The following KCNJ1 variants were observed in gnomAD, a reference collection of about 807,000 sequenced individuals.
KCNJ1 encodes potassium inwardly rectifying channel subfamily J member 1.
In KCNJ1, 24 loss-of-function variants were observed where a neutral mutation model predicts 21.9. The ratio of observed to expected loss-of-function variants is 1.10; its 90% confidence interval spans 0.79 to 1.54. The LOEUF (loss-of-function observed/expected upper bound fraction) is 1.54. Ranked by LOEUF, KCNJ1 falls within the 40% of genes most tolerant of loss-of-function variation. The pLI is 0.00. For missense variants in KCNJ1, 457 were observed against 455.4 expected (o/e 1.00, Z -0.03); for synonymous variants, 152 against 160.9 (o/e 0.94, Z 0.42).
At chr11:128,860,921 A>G (rs1030911109) in intron 1 of KCNJ1, among the ~76,000 whole-genome samples, 1 of 152,114 alleles carries the variant, frequency 6.6e-6, no homozygotes, top group African/African-American at 2.4e-5. Context: ...TGCCTGTAAT[A>G]CTTCAAAAAA....
Position 128,839,879 on chromosome 11 carries a change from G to A in KCNJ1, c.365C>T (p.Thr122Ile), listed in dbSNP as rs764578819. Reference sequence around the variant, plus strand: ...CACACACCTGAATCCATATCCAATGGTCACTTGAGTCTCCAGAGAAAACAG... The same window carrying A: ...CACACACCTGAATCCATATCCAATGATCACTTGAGTCTCCAGAGAAAACAG... ...AFLFSLETQV[T>I]IGYGFRCVTE... is the part of the protein sequence containing the mutation. The change falls in exon 3 of 3, where the codon ACC becomes ATC. Residue 122 changes from threonine (T) to isoleucine (I), a missense_variant. Coordinates refer to ENST00000392666, the MANE Select transcript of KCNJ1 (RefSeq NM_153766.3). 1.2e-6 allele frequency: 2 copies of A among 1,614,182 alleles called. No individual in the cohort carries two copies. The highest frequency in any genetic ancestry group is 1.7e-6 in the Non-Finnish European group (2 of 1,180,032).
At chr11:128,857,444 A>G (rs1010597821) in intron 1 of KCNJ1, among the ~76,000 whole-genome samples, 1 of 152,132 alleles carries the variant, frequency 6.6e-6, no homozygotes, top group Non-Finnish European at 1.5e-5. Context: ...CTGAATACCC[A>G]GCATGTGGAC....
At position 128,839,693 on chromosome 11, in the gene KCNJ1, C is replaced by T. The variant is rs1380025163; in HGVS notation, c.551G>A (p.Arg184Gln). Residue 184 changes from arginine to glutamine, a missense_variant, in exon 3 of 3, where the codon CGG (arginine) becomes CAG (glutamine). Transcript: ENST00000392666. Reference sequence around the variant, plus strand: ...GATTAGGAGGCAAAGCTTCCCTCCCCGTTTGCTGATCACTGCGTTCTTGCT... The same window carrying T: ...GATTAGGAGGCAAAGCTTCCCTCCCTGTTTGCTGATCACTGCGTTCTTGCT... ...TFSKNAVISK[R>Q]GGKLCLLIRV... 5.0e-6 allele frequency: 8 copies of T among 1,613,198 alleles called. No homozygotes were observed. Among genetic ancestry groups the T allele is most frequent in the South Asian group, 1.1e-5 (1 of 91,074 alleles).
rs142030262 is a variant in KCNJ1 at position 128,839,539 on chromosome 11, G to A, written c.705C>T (p.Asp235=). 1,276 of 1,614,120 alleles carry A rather than the reference G, an allele frequency of 7.9e-4. 26 individuals are homozygous for A. In the South Asian group the frequency reaches 0.011, roughly 14 times the overall value. The change falls in exon 3 of 3, where the codon GAC becomes GAT. Residue 235 remains aspartate, a synonymous_variant. Coordinates refer to ENST00000392666, the MANE Select transcript of KCNJ1 (RefSeq NM_153766.3). The stretch of plus-strand genomic sequence containing the variant: ...TGAAGAATAAATTTTCATTCCCAGC[G>A]TCAACTACAAAGTTGATATTGATCT... ...LDQININFVV[D]AGNENLFFIS...
At chr11:128,864,047 TTTTC>T (rs1481486033) in intron 1 of KCNJ1, among the ~76,000 whole-genome samples, 1 of 151,050 alleles carries the variant, frequency 6.6e-6, no homozygotes, top group African/African-American at 2.4e-5. Flanking sequence ...TATTACTGAC[TTTTC>T]TTTTTCTTTT....
intron 2 of KCNJ1, among the ~76,000 whole-genome samples, chr11:128,849,760 G>A (rs566386486): frequency 2.0e-5 from 3 of 152,198 alleles, no homozygotes; most frequent in Non-Finnish European, 4.4e-5. Context: ...ACGGCCTGAG[G>A]TTGTGGGAGT....
chr11:128,866,388 T>C (rs1163123654), intron 1 of KCNJ1: 1 of 176,254 alleles, frequency 5.7e-6, no homozygotes, highest in Non-Finnish European at 1.1e-5. Context: ...TTTTGCTCCA[T>C]TTTGTAAGCC....
intron 1 of KCNJ1, among the ~76,000 whole-genome samples, chr11:128,853,240 C>T (rs570767593): frequency 1.3e-5 from 2 of 152,246 alleles, no homozygotes; most frequent in African/African-American, 4.8e-5. Context: ...TTCATAATAG[C>T]CAAAGAGTGG....
intron 1 of KCNJ1, among the ~76,000 whole-genome samples, chr11:128,853,048 T>G (rs183805921): frequency 4.5e-4 from 69 of 152,378 alleles, no homozygotes; most frequent in Non-Finnish European, 8.2e-4. Flanking sequence ...TTTCCACTTA[T>G]TTGCCATTCT....
At chr11:128,843,212 C>G (rs1360801431) in intron 2 of KCNJ1, among the ~76,000 whole-genome samples, 2 of 152,166 alleles carry the variant, frequency 1.3e-5, no homozygotes, top group Non-Finnish European at 2.9e-5. Flanking sequence ...TGCACAGATC[C>G]TACTTTTTTT....
chr11:128,856,922 G>A (rs145670506), intron 1 of KCNJ1, among the ~76,000 whole-genome samples: 5 of 152,120 alleles, frequency 3.3e-5, no homozygotes, highest in East Asian at 1.9e-4. Context: ...AGTCCACACC[G>A]TCAGAGTGAG....
At chr11:128,859,741 C>T (rs1943664551) in intron 1 of KCNJ1, among the ~76,000 whole-genome samples, 1 of 152,228 alleles carries the variant, frequency 6.6e-6, no homozygotes, top group Non-Finnish European at 1.5e-5. Flanking sequence ...TCTCTCAGGG[C>T]ATCTGTAGTG....
At chr11:128,844,721 C>T (rs564698878) in intron 2 of KCNJ1, among the ~76,000 whole-genome samples, 1 of 152,270 alleles carries the variant, frequency 6.6e-6, no homozygotes, top group South Asian at 2.1e-4. Context: ...TCTTACAGCA[C>T]TTACCACCCC....
chr11:128,858,381 C>T (rs917674979), intron 1 of KCNJ1, among the ~76,000 whole-genome samples: 2 of 152,196 alleles, frequency 1.3e-5, no homozygotes, highest in African/African-American at 4.8e-5. Flanking sequence ...CAACTCTGCA[C>T]CACCATATTT....
At chr11:128,842,508 A>C in intron 2 of KCNJ1, 1 of 1,607,358 alleles carries the variant, frequency 6.2e-7, no homozygotes, top group Non-Finnish European at 8.5e-7. Flanking sequence ...TGTAGGCGAC[A>C]GTCAGTGGAC....
At chr11:128,842,119 T>A in intron 2 of KCNJ1, among the ~76,000 whole-genome samples, 1 of 152,256 alleles carries the variant, frequency 6.6e-6, no homozygotes, top group Non-Finnish European at 1.5e-5. Flanking sequence ...CATTTATCAA[T>A]TGAATCCACA....
intron 2 of KCNJ1, among the ~76,000 whole-genome samples, chr11:128,842,924 C>T (rs1260012662): frequency 1.3e-5 from 2 of 152,256 alleles, no homozygotes; most frequent in Admixed American, 6.5e-5. Context: ...ATTTACAAGA[C>T]AAAAGTAAGA....
intron 1 of KCNJ1, among the ~76,000 whole-genome samples, chr11:128,860,644 G>T (rs999844307): frequency 2.0e-5 from 3 of 152,208 alleles, no homozygotes; most frequent in Non-Finnish European, 4.4e-5. Context: ...GGACCAAGGG[G>T]CCTGGAGACG....
intron 2 of KCNJ1, chr11:128,842,675 T>C: frequency 3.2e-6 from 2 of 631,990 alleles, no homozygotes; most frequent in Non-Finnish European, 5.1e-6. Flanking sequence ...TGCTAAGACA[T>C]GACAAGCCAT....
Sources: allele counts gnomAD v4.1 joint callset (sites outside exome capture counted in the v4.1 genomes callset), GRCh38; gene constraint gnomAD v4.1.1; transcripts MANE v1.5; gene names NCBI Gene and HGNC (gene_info 2026-07-23, HGNC 2026-07-21).